MITF: variants seen among roughly 807,000 people sequenced by gnomAD.
The protein encoded by MITF is melanocyte inducing transcription factor, also known as microphthalmia-associated transcription factor.
A neutral mutation model predicts 60.5 loss-of-function variants in MITF; 17 were observed. The ratio of observed to expected loss-of-function variants is 0.28; its 90% CI spans 0.19 to 0.42. The LOEUF is 0.42. Ranked by LOEUF, MITF falls within the 10% of genes least tolerant of loss-of-function variation. The pLI, the probability that MITF is intolerant of heterozygous loss-of-function variation, is 1.00. For synonymous variants in MITF, 260 were observed against 248.5 expected (o/e 1.05, Z -0.43); for missense variants, 622 against 683.5 (o/e 0.91, Z 1.00).
Position 69,965,003 on chromosome 3 carries a change from A to G in MITF, c.1336A>G (p.Thr446Ala). 2 of 1,614,122 alleles carry G rather than the reference A, an allele frequency of 1.2e-6. No individual in the cohort carries two copies. The highest frequency in any genetic ancestry group is 1.7e-6 in the Non-Finnish European group (2 of 1,180,012). The change falls in exon 10 of 10, where the codon ACA (threonine) becomes GCA (alanine). Residue 446 changes from threonine to alanine, a missense_variant. By Grantham distance (58) the Thr-to-Ala change is moderately conservative. This residue lies in a region of MITF where 224 missense variants were observed against 209.5 expected (regional missense o/e 1.07). Transcript: ENST00000352241. ...LQHHADLTCT[T>A]TLDLTDGTIT... is the part of the protein sequence containing the mutation. ...GCATCATGCAGACCTAACCTGTACAACAACTCTCGATCTCACGGATGGCAC... is the reference window on the plus strand; with the variant it reads ...GCATCATGCAGACCTAACCTGTACAGCAACTCTCGATCTCACGGATGGCAC...
intron 1 of MITF, among the ~76,000 whole-genome samples, chr3:69,747,930 C>T (rs2106758778): frequency 6.6e-6 from 1 of 152,262 alleles, no homozygotes; most frequent in South Asian, 2.1e-4. Context: ...AAAAGGAAAG[C>T]CTGAGATTGA....
At chr3:69,823,610 C>G (rs1347041751) in intron 1 of MITF, among the ~76,000 whole-genome samples, 1 of 152,144 alleles carries the variant, frequency 6.6e-6, no homozygotes, top group Non-Finnish European at 1.5e-5. Context: ...AGACAACAGT[C>G]TTTTATGCTT....
intron 1 of MITF, among the ~76,000 whole-genome samples, chr3:69,812,877 T>A (rs934581631): frequency 1.3e-5 from 2 of 152,176 alleles, no homozygotes; most frequent in Non-Finnish European, 2.9e-5. Context: ...GGTTTACAAT[T>A]GGAAAGGAAA....
chr3:69,855,320 A>T (rs953296984), intron 1 of MITF, among the ~76,000 whole-genome samples: 1 of 151,460 alleles, frequency 6.6e-6, no homozygotes. Flanking sequence ...TGAAATTGTC[A>T]GTTTAAAAAT....
rs73838666 is a variant in MITF at position 69,799,033 on chromosome 3, C to T, written c.104+59332C>T. ...CTAGGTTCTGATACAGCAGAGAGAG[C>T]GTCAGACTTGGATTACCATGGTATG... is the stretch of plus-strand genomic sequence containing the variant. On this transcript the variant is annotated intron_variant, in intron 1 of 9. Coordinates refer to ENST00000352241, the MANE Select transcript of MITF (RefSeq NM_001354604.2). 1.7e-4 allele frequency among the ~76,000 whole-genome samples: 26 copies of T among 152,266 alleles called. No individual in the cohort carries two copies. In the East Asian group the frequency reaches 2.3e-3, roughly 14 times the overall value.
chr3:69,953,639 A>G lies in MITF; in HGVS notation c.955+1753A>G, dbSNP rs1485943882. Among the ~76,000 whole-genome samples the G allele has an allele frequency of 8.4e-5, 12 of 142,282 alleles. No homozygotes were observed. The South Asian group carries it at 1.1e-3, about 14-fold the overall frequency. The allele number at this position is 142,282 out of a possible 152,430, so 93.3% of individuals were successfully genotyped here. On this transcript the variant is annotated intron_variant, in intron 7 of 9. Coordinates refer to ENST00000352241, the MANE Select transcript of MITF (RefSeq NM_001354604.2). ...TATATATATATGTGTGTATATATAT[A>G]TATGTATGTATATATATATATATAG...
chr3:69,771,315 G>A (rs1043026408), intron 1 of MITF, among the ~76,000 whole-genome samples: 1 of 151,456 alleles, frequency 6.6e-6, no homozygotes, highest in Non-Finnish European at 1.5e-5. Context: ...AAAATCAACA[G>A]CAAAAGAATT....
At chr3:69,873,426 T>A (rs1451836019) in intron 1 of MITF, among the ~76,000 whole-genome samples, 3 of 152,192 alleles carry the variant, frequency 2.0e-5, no homozygotes, top group African/African-American at 7.2e-5. Flanking sequence ...AATAGATTGT[T>A]AAGAATTTCT....
intron 1 of MITF, among the ~76,000 whole-genome samples, chr3:69,787,287 C>T (rs1026594391): frequency 6.6e-6 from 1 of 152,118 alleles, no homozygotes; most frequent in Non-Finnish European, 1.5e-5. Flanking sequence ...AGTGTGAAAC[C>T]TAGAGGAAAA....
chr3:69,847,320 G>C (rs974334534), intron 1 of MITF, among the ~76,000 whole-genome samples: 1 of 152,192 alleles, frequency 6.6e-6, no homozygotes, highest in African/African-American at 2.4e-5. Context: ...CAGTGTTGGA[G>C]TCATGCTGGA....
intron 1 of MITF, among the ~76,000 whole-genome samples, chr3:69,762,978 C>G (rs1204502954): frequency 6.6e-6 from 1 of 152,160 alleles, no homozygotes; most frequent in Non-Finnish European, 1.5e-5. Context: ...CTCAGTCGTC[C>G]TGGTAAACAA....
intron 1 of MITF, among the ~76,000 whole-genome samples, chr3:69,807,775 G>C (rs1226932976): frequency 2.0e-5 from 3 of 152,144 alleles, no homozygotes; most frequent in Admixed American, 2.0e-4. Flanking sequence ...CCATTTTGGA[G>C]TAACATGGAC....
rs2063504000 is a variant in MITF, at chr3:69,834,306, C to T, written c.105-44828C>T. On this transcript the variant is annotated intron_variant, in intron 1 of 9. Coordinates refer to ENST00000352241, the MANE Select transcript of MITF (RefSeq NM_001354604.2). ...TTTGTATCTGTTCACTAACCTGTCC[C>T]TATCCTTTCTTCACCCATCCCCTTC... Among the ~76,000 whole-genome samples, 5 of 152,306 alleles carry T rather than the reference C, an allele frequency of 3.3e-5. No homozygotes were observed. In the South Asian group the frequency reaches 1.0e-3, roughly 32 times the overall value.
At chr3:69,935,469 A>G (rs1413492107) in intron 2 of MITF, among the ~76,000 whole-genome samples, 2 of 152,036 alleles carry the variant, frequency 1.3e-5, no homozygotes, top group Non-Finnish European at 2.9e-5. Flanking sequence ...CCCTCATTTT[A>G]TGTTTATTTT....
At chr3:69,928,502 T>C (rs1457583469) in intron 2 of MITF, among the ~76,000 whole-genome samples, 1 of 152,162 alleles carries the variant, frequency 6.6e-6, no homozygotes, top group Non-Finnish European at 1.5e-5. Context: ...CAGTTGTCAG[T>C]GTCAGAATAA....
chr3:69,819,634 A>AAAACAAAAC (rs1354934310), intron 1 of MITF, among the ~76,000 whole-genome samples: 8 of 151,556 alleles, frequency 5.3e-5, no homozygotes, highest in African/African-American at 1.7e-4. Flanking sequence ...AAAACAAAAC[A>AAAACAAAAC]AAACAAACAA....
At chr3:69,871,766 A>T (rs1222463289) in intron 1 of MITF, among the ~76,000 whole-genome samples, 1 of 152,230 alleles carries the variant, frequency 6.6e-6, no homozygotes, top group African/African-American at 2.4e-5. Flanking sequence ...TGGAACAATT[A>T]TTTGAGTACA....
chr3:69,845,442 C>CTTTTTTTTTTTTTTTTTTTTTTTT (rs751773040), intron 1 of MITF, among the ~76,000 whole-genome samples: 1 of 136,810 alleles, frequency 7.3e-6, no homozygotes, highest in African/African-American at 2.7e-5. Context: ...TTTTTTCTTT[C>CTTTTTTTTTTTTTTTTTTTTTTTT]TTTTTTTTTT....
chr3:69,907,397 G>C (rs1019659779), intron 2 of MITF, among the ~76,000 whole-genome samples: 1 of 152,120 alleles, frequency 6.6e-6, no homozygotes, highest in Non-Finnish European at 1.5e-5. Context: ...GGATATCTAT[G>C]TACCAGGCAT....
Sources: gnomAD v4.1 joint callset for allele counts (sites outside exome capture counted in the v4.1 genomes callset) on GRCh38, gnomAD v4.1.1 for gene constraint, gnomAD v4.1.1 regional missense constraint, MANE v1.5 for transcripts, NCBI Gene and HGNC (gene_info 2026-07-23, HGNC 2026-07-21) for gene names.